Variants in THEMIS observed in about 807,000 individuals in gnomAD.
THEMIS encodes protein THEMIS.
THEMIS carries 37 observed loss-of-function variants against 52.6 expected under a neutral mutation model. That is an observed-to-expected ratio of 0.70 (90% CI 0.54 to 0.93). The LOEUF is 0.93. THEMIS is among the 40% of genes least tolerant of loss of function. The pLI, the probability that THEMIS is intolerant of heterozygous loss-of-function variation, is 0.00. For missense variants in THEMIS, 808 were observed against 763.1 expected (o/e 1.06, Z -0.69); for synonymous variants, 292 against 272.7 (o/e 1.07, Z -0.70).
At chr6:127,804,405 A>G (rs924642006) in intron 4 of THEMIS, among the ~76,000 whole-genome samples, 3 of 152,160 alleles carry the variant, frequency 2.0e-5, no homozygotes, top group Non-Finnish European at 4.4e-5. Flanking sequence ...AGCCTAAATT[A>G]CCTTATCTGC....
At chr6:127,904,955 A>ACTCT (rs141351259), upstream of THEMIS, among the ~76,000 whole-genome samples, 1 of 150,842 alleles carries the variant, frequency 6.6e-6, no homozygotes, top group African/African-American at 2.4e-5. Flanking sequence ...TTTCTCTCTC[A>ACTCT]CTCTCTCTCT....
intron 4 of THEMIS, among the ~76,000 whole-genome samples, chr6:127,812,382 C>T (rs1307305433): frequency 1.3e-5 from 2 of 152,166 alleles, no homozygotes; most frequent in African/African-American, 4.8e-5. Flanking sequence ...CATTCTCACA[C>T]ACTGTTCTGC....
At chr6:127,774,032 C>T (rs573335881) in intron 4 of THEMIS, among the ~76,000 whole-genome samples, 80 of 152,316 alleles carry the variant, frequency 5.3e-4, no homozygotes, top group Non-Finnish European at 9.3e-4. Flanking sequence ...GCTCACTACA[C>T]GCCTGGCACT....
chr6:127,729,621 C>T (rs1229028435), intron 4 of THEMIS, among the ~76,000 whole-genome samples: 1 of 152,178 alleles, frequency 6.6e-6, no homozygotes, highest in Non-Finnish European at 1.5e-5. Context: ...CTCTTCCACT[C>T]TTCCCATGAC....
intron 4 of THEMIS, among the ~76,000 whole-genome samples, chr6:127,752,363 G>GTT (rs34834022): frequency 0.024 from 3,296 of 137,678 alleles, 80 homozygotes; most frequent in Non-Finnish European, 0.038. Context: ...GAAACGAAGA[G>GTT]TTTTTTTTTT....
intron 4 of THEMIS, among the ~76,000 whole-genome samples, chr6:127,741,703 G>A (rs1775208086): frequency 6.6e-6 from 1 of 152,180 alleles, no homozygotes. Context: ...TCATAACAGA[G>A]ATCAAATTAA....
At chr6:127,917,957 T>C (rs1404849494) in intron 1 of THEMIS, among the ~76,000 whole-genome samples, 1 of 152,208 alleles carries the variant, frequency 6.6e-6, no homozygotes, top group Non-Finnish European at 1.5e-5. Flanking sequence ...CATTTGCATA[T>C]GTCAGCTTAT....
At chr6:127,832,393 C>T (rs1175299979) in intron 2 of THEMIS, among the ~76,000 whole-genome samples, 1 of 152,126 alleles carries the variant, frequency 6.6e-6, no homozygotes, top group East Asian at 1.9e-4. Flanking sequence ...TAACTTATCT[C>T]TTCATATACT....
intron 4 of THEMIS, among the ~76,000 whole-genome samples, chr6:127,745,760 C>T (rs1775367748): frequency 6.6e-6 from 1 of 151,790 alleles, no homozygotes; most frequent in Non-Finnish European, 1.5e-5. Context: ...AATTGTGGAA[C>T]ACAGATAATT....
chr6:127,731,376 A>G (rs1452680563), intron 4 of THEMIS, among the ~76,000 whole-genome samples: 1 of 152,124 alleles, frequency 6.6e-6, no homozygotes, highest in East Asian at 1.9e-4. Flanking sequence ...TATAATAAAC[A>G]GATATGTCGG....
At chr6:127,846,091 T>C (rs1167703581) in intron 2 of THEMIS, among the ~76,000 whole-genome samples, 1 of 151,962 alleles carries the variant, frequency 6.6e-6, no homozygotes, top group Non-Finnish European at 1.5e-5. Context: ...TTCAACTGTG[T>C]AAGTAAATCT....
intron 1 of THEMIS, among the ~76,000 whole-genome samples, chr6:127,910,579 A>T (rs747557900): frequency 2.4e-4 from 36 of 152,152 alleles, no homozygotes; most frequent in Non-Finnish European, 4.4e-5. Flanking sequence ...TAATTAGATG[A>T]CTGTACATTT....
At chr6:127,850,292 G>C (rs1779376383) in intron 2 of THEMIS, among the ~76,000 whole-genome samples, 1 of 151,936 alleles carries the variant, frequency 6.6e-6, no homozygotes, top group Non-Finnish European at 1.5e-5. Context: ...TTAGACTGCT[G>C]GTGAGAATAT....
chr6:127,894,514 T>TAAAATAGAAAAAAAC (rs1780905503), intron 1 of THEMIS, among the ~76,000 whole-genome samples: 1 of 151,762 alleles, frequency 6.6e-6, no homozygotes, highest in South Asian at 2.1e-4. Flanking sequence ...TAAAAATACT[T>TAAAATAGAAAAAAAC]AGAAAAAAAT....
chr6:127,916,471 A>G (rs1435890587), intron 1 of THEMIS, among the ~76,000 whole-genome samples: 1 of 152,102 alleles, frequency 6.6e-6, no homozygotes, highest in East Asian at 1.9e-4. Context: ...TCCTATCCCA[A>G]CCTCTGTTCA....
intron 1 of THEMIS, among the ~76,000 whole-genome samples, chr6:127,914,798 T>C (rs1180197101): frequency 6.6e-6 from 1 of 152,244 alleles, no homozygotes; most frequent in Non-Finnish European, 1.5e-5. Flanking sequence ...CATGCTTTTC[T>C]ACAGTAGAGC....
chr6:127,778,058 T>C (rs1471988609), intron 4 of THEMIS, among the ~76,000 whole-genome samples: 2 of 152,190 alleles, frequency 1.3e-5, no homozygotes, highest in Admixed American at 6.5e-5. Flanking sequence ...TTCCAGAATT[T>C]GGTTAATTGA....
intron 2 of THEMIS, among the ~76,000 whole-genome samples, chr6:127,840,973 A>G (rs946044946): frequency 3.3e-5 from 5 of 152,048 alleles, no homozygotes; most frequent in African/African-American, 4.8e-5. Flanking sequence ...GCGGAGCACA[A>G]AGGATTTTTA....
chr6:127,822,697 C>T (rs1167683133), intron 3 of THEMIS, among the ~76,000 whole-genome samples: 2 of 152,142 alleles, frequency 1.3e-5, no homozygotes, highest in Non-Finnish European at 2.9e-5. Context: ...TTTATTCAAA[C>T]ACTAACCTAG....
Sources: gnomAD v4.1 joint callset for allele counts (sites outside exome capture counted in the v4.1 genomes callset) on GRCh38, gnomAD v4.1.1 for gene constraint, MANE v1.5 for transcripts, NCBI Gene and HGNC (gene_info 2026-07-23, HGNC 2026-07-21) for gene names.